Variants in CCDC77 observed in about 807,000 individuals in gnomAD.
The protein encoded by CCDC77 is coiled-coil domain-containing protein 77.
Under a neutral mutation model 66.8 loss-of-function variants are expected in CCDC77, and 56 were observed. That is an observed-to-expected ratio of 0.84 (90% CI 0.68 to 1.05). The LOEUF (loss-of-function observed/expected upper bound fraction) is 1.05. Among genes scored for constraint, CCDC77 ranks in the 50% least tolerant of loss-of-function variants. The probability of loss-of-function intolerance (pLI) is 0.00; values close to 1 mark genes in which losing one functional copy is unlikely to be tolerated. For missense variants in CCDC77, 570 were observed against 576.8 expected (o/e 0.99, Z 0.12); for synonymous variants, 196 against 195.2 (o/e 1.00, Z -0.03).
At chr12:415,217 G>C (rs1056905494) in intron 4 of CCDC77, among the ~76,000 whole-genome samples, 2 of 150,042 alleles carry the variant, frequency 1.3e-5, no homozygotes, top group African/African-American at 4.9e-5. Flanking sequence ...TTCCACTGTG[G>C]ACTTGTATGC....
At chr12:431,618 A>G (rs1283148317) in intron 7 of CCDC77, among the ~76,000 whole-genome samples, 5 of 152,230 alleles carry the variant, frequency 3.3e-5, no homozygotes, top group Non-Finnish European at 5.9e-5. Context: ...TGATTCTGCC[A>G]GAAGATGAAT....
At chr12:416,315 G>GTA (rs1352444574) in intron 4 of CCDC77, among the ~76,000 whole-genome samples, 1 of 125,606 alleles carries the variant, frequency 8.0e-6, no homozygotes, top group East Asian at 2.2e-4. Flanking sequence ...TTATGTGTGT[G>GTA]TGTGTGTGTG....
chr12:407,782 A>ATTTTTTTTTTTTTTTTTTTTTTTTTTTT (rs386375348), intron 2 of CCDC77, among the ~76,000 whole-genome samples: 2 of 100,436 alleles, frequency 2.0e-5, no homozygotes, highest in Non-Finnish European at 3.6e-5. Context: ...AGGACTGAAG[A>ATTTTTTTTTTTTTTTTTTTTTTTTTTTT]TTTTTTTTTT....
chr12:409,989 C>A (rs1393867853), intron 3 of CCDC77, among the ~76,000 whole-genome samples: 1 of 148,256 alleles, frequency 6.7e-6, no homozygotes, highest in African/African-American at 2.5e-5. Context: ...CAGAGCAAGA[C>A]TCCATCTCAA....
chr12:423,479 G>GTTTTTTTTTTTTTTT (rs1289177296), intron 5 of CCDC77, among the ~76,000 whole-genome samples: 1 of 21,230 alleles, frequency 4.7e-5, no homozygotes, highest in African/African-American at 1.6e-4. Flanking sequence ...TGTTTTTTGT[G>GTTTTTTTTTTTTTTT]TTTTTTTTTG....
intron 4 of CCDC77, among the ~76,000 whole-genome samples, chr12:416,381 A>G (rs1047752808): frequency 3.0e-3 from 61 of 20,532 alleles, no homozygotes; most frequent in African/African-American, 7.4e-3. Flanking sequence ...GTGTGTGTAT[A>G]TATATATATA....
At chr12:435,639 G>T (rs1241019173) in intron 9 of CCDC77, among the ~76,000 whole-genome samples, 3 of 152,204 alleles carry the variant, frequency 2.0e-5, no homozygotes, top group African/African-American at 7.2e-5. Flanking sequence ...CCTAGGAATG[G>T]TCCATACTTA....
intron 1 of CCDC77, among the ~76,000 whole-genome samples, chr12:391,525 G>T (rs1379444858): frequency 6.6e-6 from 1 of 151,970 alleles, no homozygotes; most frequent in East Asian, 1.9e-4. Flanking sequence ...ATATTATTCG[G>T]AAAAAGAAAT....
rs141643304 is a variant in CCDC77 at position 418,718 on chromosome 12, T to A, written c.413+82T>A. 3.2e-4 allele frequency: 459 copies of A among 1,441,952 alleles called. 2 individuals carry two copies. In the African/African-American group the frequency reaches 5.6e-3, roughly 18 times the overall value. 89.3% of individuals were successfully genotyped at this position (1,441,952 alleles called of 1,614,324 possible). ...TCATTCATTCATTCATTCATTGATTTAGAGGCAGTATCACTCTATTGCCCA... is the reference window on the plus strand; with the variant it reads ...TCATTCATTCATTCATTCATTGATTAAGAGGCAGTATCACTCTATTGCCCA... On this transcript the variant is annotated intron_variant, in intron 5 of 12. Coordinates refer to ENST00000239830, the MANE Select transcript of CCDC77 (RefSeq NM_032358.4).
chr12:424,111 C>T (rs1164518143), intron 5 of CCDC77, among the ~76,000 whole-genome samples: 2 of 152,008 alleles, frequency 1.3e-5, no homozygotes, highest in Admixed American at 6.6e-5. Flanking sequence ...GCTGGGACTA[C>T]AGGCATGTGC....
At position 396,091 on chromosome 12, in the gene CCDC77, T is replaced by G. The variant is rs904542978; in HGVS notation, c.-113+6605T>G. Reference sequence around the variant, plus strand: ...AAAGAAAATAAATACATTTTGAAATTTAAAAAAGTCAATACACTGGCCAGG... The same window carrying G: ...AAAGAAAATAAATACATTTTGAAATGTAAAAAAGTCAATACACTGGCCAGG... On this transcript the variant is annotated intron_variant, in intron 1 of 11. Transcript: ENST00000422000. 2.6e-5 allele frequency among the ~76,000 whole-genome samples: 4 copies of G among 152,068 alleles called. No individual in the cohort carries two copies. The South Asian group carries it at 8.3e-4, about 32-fold the overall frequency.
intron 1 of CCDC77, chr12:389,571 C>CGAGGCGCGGCGAGGCGG (rs57308009): frequency 9.0e-6 from 2 of 223,056 alleles, no homozygotes. Flanking sequence ...GGGCGAGGCG[C>CGAGGCGCGGCGAGGCGG]AACGAGGCGG....
chr12:411,481 A>G (rs1945108595), intron 3 of CCDC77, among the ~76,000 whole-genome samples: 2 of 151,198 alleles, frequency 1.3e-5, no homozygotes, highest in Non-Finnish European at 2.9e-5. Context: ...CGCCCGGCCA[A>G]GATTTTTTTT....
intron 1 of CCDC77, among the ~76,000 whole-genome samples, chr12:403,816 G>A (rs1016008411): frequency 6.6e-6 from 1 of 152,150 alleles, no homozygotes; most frequent in Non-Finnish European, 1.5e-5. Context: ...TTTGAGACAG[G>A]GTCTTGCGCT....
chr12:441,353 C>A (rs1043471849), intron 12 of CCDC77, among the ~76,000 whole-genome samples: 1 of 152,122 alleles, frequency 6.6e-6, no homozygotes, highest in Admixed American at 6.5e-5. Flanking sequence ...GAATACAAGT[C>A]GCCTCAAGAG....
intron 9 of CCDC77, among the ~76,000 whole-genome samples, chr12:437,393 G>A (rs946707049): frequency 2.6e-5 from 4 of 152,090 alleles, no homozygotes; most frequent in African/African-American, 7.2e-5. Flanking sequence ...CACTCAGGCT[G>A]GGAAAAAGTG....
chr12:435,194 A>G (rs1191539307), intron 9 of CCDC77, among the ~76,000 whole-genome samples: 1 of 142,994 alleles, frequency 7.0e-6, no homozygotes, highest in Non-Finnish European at 1.5e-5. Context: ...TCTCAAGCCT[A>G]CTTCTTTCTG....
chr12:429,971 C>T (rs938327767), intron 6 of CCDC77, among the ~76,000 whole-genome samples: 3 of 151,906 alleles, frequency 2.0e-5, no homozygotes, highest in African/African-American at 7.3e-5. Flanking sequence ...AATAGCCCTG[C>T]AATTTTGTTT....
At chr12:431,086 C>A (rs1056680063) in intron 7 of CCDC77, among the ~76,000 whole-genome samples, 109 of 111,746 alleles carry the variant, frequency 9.8e-4, no homozygotes, top group East Asian at 1.8e-3. Context: ...AAAAAAAAAA[C>A]AGAACACACA....
Sources: gnomAD v4.1 joint callset for allele counts (sites outside exome capture counted in the v4.1 genomes callset) on GRCh38, gnomAD v4.1.1 for gene constraint, MANE v1.5 for transcripts, NCBI Gene and HGNC (gene_info 2026-07-23, HGNC 2026-07-21) for gene names.